Variants in PCDH15 observed in about 807,000 individuals in gnomAD.
The protein encoded by PCDH15 is protocadherin-15.
A neutral mutation model predicts 178.5 loss-of-function variants in PCDH15; 129 were observed. The observed-to-expected ratio is 0.72, with a 90% CI of 0.63 to 0.84. The LOEUF is 0.84. PCDH15 is among the 40% of genes least tolerant of loss of function. The probability of loss-of-function intolerance (pLI) is 0.00; values close to 1 mark genes in which losing one functional copy is unlikely to be tolerated. For missense variants in PCDH15, 2,230 were observed against 2,099.9 expected, an observed-to-expected ratio of 1.06 and a Z score of -1.21; for synonymous variants, 800 against 732.0, an observed-to-expected ratio of 1.09 and a Z score of -1.50.
intron 8 of PCDH15, among the ~76,000 whole-genome samples, chr10:54,246,636 C>T (rs1021821714): frequency 6.6e-6 from 1 of 151,608 alleles, no homozygotes; most frequent in African/African-American, 2.4e-5. Context: ...GAGGATAATG[C>T]TCTTACGAAC....
rs538191938 is a variant in PCDH15 at position 54,799,856 on chromosome 10, GAAAAC to G, written c.-29+1064_-29+1068del. On this transcript the variant is annotated intron_variant, in intron 1 of 37. Transcript: ENST00000644397. ...TAGTAAAACCAATTTTCTGTGAAAA[GAAAAC>G]AAAAAAACAGTTCACATGAGCATAT... Among the ~76,000 whole-genome samples, 498 of 151,964 alleles carry G rather than the reference GAAAAC, an allele frequency of 3.3e-3. 3 individuals carry two copies. Among genetic ancestry groups the G allele is most frequent in the Non-Finnish European group, 5.3e-3 (358 of 67,936 alleles).
chr10:53,857,395 T>C (rs575814385), intron 27 of PCDH15, 132 bp from the exon 28 acceptor site: 12 of 679,834 alleles, frequency 1.8e-5, no homozygotes, highest in Non-Finnish European at 7.9e-6. Flanking sequence ...CAGGAACAAA[T>C]ATATATACAT....
chr10:54,966,710 T>A (rs1379056385), intron 2 of PCDH15, among the ~76,000 whole-genome samples: 1 of 152,124 alleles, frequency 6.6e-6, no homozygotes, highest in African/African-American at 2.4e-5. Context: ...TGAGATCTGA[T>A]GTTTTTATAA....
At chr10:54,038,288 T>C (rs1590057690) in intron 18 of PCDH15, among the ~76,000 whole-genome samples, 1 of 152,030 alleles carries the variant, frequency 6.6e-6, no homozygotes, top group South Asian at 2.1e-4. Flanking sequence ...CTTGTATGAC[T>C]TGAAGAAAAA....
chr10:55,329,042 T>C (rs34706831), intron 2 of PCDH15, among the ~76,000 whole-genome samples: 38,065 of 146,756 alleles, frequency 0.26, 6,106 homozygotes, highest in Admixed American at 0.36. Flanking sequence ...TGTGTGTGTA[T>C]GGAAATATGA....
chr10:55,096,928 C>T (rs1842461875), intron 2 of PCDH15, among the ~76,000 whole-genome samples: 1 of 152,062 alleles, frequency 6.6e-6, no homozygotes, highest in African/African-American at 2.4e-5. Context: ...AATATTTCAA[C>T]TGACAGCTCA....
At chr10:55,386,515 G>T (rs1837663256) in intron 2 of PCDH15, among the ~76,000 whole-genome samples, 1 of 152,116 alleles carries the variant, frequency 6.6e-6, no homozygotes, top group South Asian at 2.1e-4. Context: ...AGGATGCATT[G>T]TCTTCAAATC....
intron 1 of PCDH15, among the ~76,000 whole-genome samples, chr10:55,270,004 C>T (rs1842399619): frequency 6.6e-6 from 1 of 152,126 alleles, no homozygotes; most frequent in African/African-American, 2.4e-5. Context: ...AGATCTTTCA[C>T]AAGCCTGACA....
intron 28 of PCDH15, among the ~76,000 whole-genome samples, chr10:53,856,342 T>C (rs2078746706): frequency 6.6e-6 from 1 of 152,018 alleles, no homozygotes; most frequent in South Asian, 2.1e-4. Context: ...ATATAAGAAC[T>C]GCAGTTTAAT....
intron 8 of PCDH15, among the ~76,000 whole-genome samples, chr10:54,275,845 C>T (rs554530422): frequency 5.9e-5 from 9 of 151,480 alleles, no homozygotes; most frequent in African/African-American, 2.2e-4. Context: ...CAGAAAAACA[C>T]AGATCCATAT....
intron 1 of PCDH15, among the ~76,000 whole-genome samples, chr10:55,307,445 G>A (rs1271321003): frequency 6.6e-6 from 1 of 151,636 alleles, no homozygotes; most frequent in African/African-American, 2.4e-5. Context: ...TGAGCTTGCA[G>A]TGAGCCAAGA....
chr10:55,219,797 T>C (rs1200706984), intron 1 of PCDH15, among the ~76,000 whole-genome samples: 1 of 150,850 alleles, frequency 6.6e-6, no homozygotes, highest in Non-Finnish European at 1.5e-5. Flanking sequence ...CAAGGAAAAA[T>C]AAGGAGCTGA....
chr10:55,531,538 C>T (rs1476013179), intron 2 of PCDH15, among the ~76,000 whole-genome samples: 1 of 151,958 alleles, frequency 6.6e-6, no homozygotes, highest in Admixed American at 6.6e-5. Context: ...CTGAAAGCCA[C>T]GCATATTTTT....
At chr10:55,074,896 G>C (rs1362687247) in intron 2 of PCDH15, among the ~76,000 whole-genome samples, 1 of 152,098 alleles carries the variant, frequency 6.6e-6, no homozygotes, top group Non-Finnish European at 1.5e-5. Context: ...TTTTGTATAA[G>C]GTATATGGAA....
intron 3 of PCDH15, among the ~76,000 whole-genome samples, chr10:54,490,101 A>G (rs2079444648): frequency 6.6e-6 from 1 of 152,184 alleles, no homozygotes; most frequent in Non-Finnish European, 1.5e-5. Flanking sequence ...AGCCAGAGGA[A>G]CAAGCATGGC....
intron 26 of PCDH15, among the ~76,000 whole-genome samples, chr10:53,875,963 T>C (rs1481426805): frequency 6.6e-6 from 1 of 152,158 alleles, no homozygotes. Flanking sequence ...AGTTCAGTAA[T>C]GCCAAGTTTA....
chr10:54,478,291 T>C (rs1022306868), intron 3 of PCDH15, among the ~76,000 whole-genome samples: 1 of 152,076 alleles, frequency 6.6e-6, no homozygotes. Context: ...AATAAGACAT[T>C]TTAAAAGTAA....
intron 3 of PCDH15, among the ~76,000 whole-genome samples, chr10:54,404,381 T>C (rs532586546): frequency 6.6e-6 from 1 of 152,070 alleles, no homozygotes; most frequent in African/African-American, 2.4e-5. Flanking sequence ...CCTCCAACTA[T>C]CTGATCTTTG....
intron 28 of PCDH15, among the ~76,000 whole-genome samples, chr10:53,841,618 T>A (rs1447742540): frequency 6.6e-6 from 1 of 152,180 alleles, no homozygotes; most frequent in African/African-American, 2.4e-5. Context: ...AATGTTTGCT[T>A]GCTTGTTTTT....
Sources: allele counts gnomAD v4.1 joint callset (sites outside exome capture counted in the v4.1 genomes callset), GRCh38; gene constraint gnomAD v4.1.1; transcripts MANE v1.5; gene names NCBI Gene and HGNC (gene_info 2026-07-23, HGNC 2026-07-21).